Variants in IGF2BP3 observed in about 807,000 individuals in gnomAD.
IGF2BP3 encodes the protein insulin like growth factor 2 mRNA binding protein 3.
In IGF2BP3, 9 loss-of-function variants were observed where a neutral mutation model predicts 73.8. The observed-to-expected ratio is 0.12, with a 90% confidence interval of 0.07 to 0.21. IGF2BP3 has a LOEUF of 0.21. IGF2BP3 is among the 10% of genes least tolerant of loss of function. IGF2BP3 has a pLI of 1.00. For missense variants in IGF2BP3, 542 were observed against 714.0 expected (o/e 0.76, Z 2.75); for synonymous variants, 258 against 256.7 (o/e 1.01, Z -0.05).
Position 23,384,719 on chromosome 7 carries a change from C to T in IGF2BP3, c.286-22978G>A, listed in dbSNP as rs187373063. On this transcript the variant is annotated intron_variant, in intron 3 of 14. Coordinates refer to ENST00000258729, the MANE Select transcript of IGF2BP3 (RefSeq NM_006547.3). The stretch of plus-strand genomic sequence containing the variant: ...CAGCCTGGGCAACATGGCAAAACCC[C>T]GTCTCTACAAAAAATACAAAAATTA... Among the ~76,000 whole-genome samples the T allele has an allele frequency of 1.1e-4, 17 of 152,068 alleles. No homozygotes were observed. The East Asian group carries it at 1.7e-3, about 16-fold the overall frequency.
intron 10 of IGF2BP3, among the ~76,000 whole-genome samples, chr7:23,331,859 GAA>G (rs35506768): frequency 2.4e-4 from 23 of 96,016 alleles, no homozygotes; most frequent in Admixed American, 5.0e-4. Flanking sequence ...AACTGTCTCA[GAA>G]AAAAAAAAAA....
chr7:23,398,675 A>G (rs1715870546), intron 3 of IGF2BP3, among the ~76,000 whole-genome samples: 1 of 152,070 alleles, frequency 6.6e-6, no homozygotes, highest in South Asian at 2.1e-4. Context: ...GATGATGAGC[A>G]TTTTTTCATG....
chr7:23,469,824 A>AC lies in IGF2BP3; in HGVS notation c.175+111dup. 1.7e-6 allele frequency: 1 copy of AC among 596,854 alleles called. No homozygotes were observed. The highest frequency in any genetic ancestry group is 2.4e-6 in the Non-Finnish European group (1 of 414,776). The allele number at this position is 596,854 out of a possible 1,614,324, so 37.0% of individuals were successfully genotyped here. A position where few individuals can be genotyped will look rare whatever the true frequency, so the allele number is the denominator to read the frequency against. ...GCGTGGGTGTGGGCGCTCAGGCCTCACCCCCGCTCCCCCAGCGCGCCGGGC... is the reference window on the plus strand; with the variant it reads ...GCGTGGGTGTGGGCGCTCAGGCCTCACCCCCCGCTCCCCCAGCGCGCCGGGC... On this transcript the variant is annotated intron_variant, in intron 1 of 14. Transcript: ENST00000258729. This position sits in a 1 kb window ranked among gnomAD's most constrained non-coding sequence, Gnocchi z 6.1.
chr7:23,449,752 G>T (rs1447504643), intron 2 of IGF2BP3, among the ~76,000 whole-genome samples: 1 of 151,448 alleles, frequency 6.6e-6, no homozygotes, highest in Non-Finnish European at 1.5e-5. Flanking sequence ...AGAGACGGGG[G>T]TGGTTTAACT....
intron 9 of IGF2BP3, 136 bp from the exon 10 acceptor site, chr7:23,342,325 G>C: frequency 1.1e-6 from 1 of 941,574 alleles, no homozygotes. Flanking sequence ...GATGTTCCAT[G>C]GGACTCTACT....
chr7:23,465,655 G>A (rs572237814), intron 2 of IGF2BP3, among the ~76,000 whole-genome samples: 1 of 152,210 alleles, frequency 6.6e-6, no homozygotes, highest in Non-Finnish European at 1.5e-5. Flanking sequence ...CCAGCACCAG[G>A]TTCCTGACAT....
In IGF2BP3 at chr7:23,368,663, C is replaced by T. The variant is rs141223477; in HGVS notation, c.286-6922G>A. Reference sequence around the variant, plus strand: ...CTGTAATCCCAGCACTTTGGAAGGCCAAAGCGGGCGGATCACCTGAGGTCA... The same window carrying T: ...CTGTAATCCCAGCACTTTGGAAGGCTAAAGCGGGCGGATCACCTGAGGTCA... On this transcript the variant is annotated intron_variant, in intron 3 of 14. Coordinates refer to ENST00000258729, the MANE Select transcript of IGF2BP3 (RefSeq NM_006547.3). Among the ~76,000 whole-genome samples, 367 of 152,146 alleles carry T rather than the reference C, an allele frequency of 2.4e-3. 3 individuals carry two copies. The highest frequency in any genetic ancestry group is 8.5e-3 in the African/African-American group (353 of 41,508).
intron 3 of IGF2BP3, among the ~76,000 whole-genome samples, chr7:23,395,316 C>T (rs1270190611): frequency 6.6e-6 from 1 of 152,146 alleles, no homozygotes; most frequent in Non-Finnish European, 1.5e-5. Flanking sequence ...CCGCAATATA[C>T]TTTCCAAAAC....
chr7:23,330,402 A>G (rs1481716275), intron 10 of IGF2BP3, among the ~76,000 whole-genome samples: 1 of 151,442 alleles, frequency 6.6e-6, no homozygotes, highest in Middle Eastern at 3.2e-3. Flanking sequence ...TTTAAAGAAA[A>G]GTGCCCACTA....
intron 10 of IGF2BP3, among the ~76,000 whole-genome samples, chr7:23,341,467 A>T (rs570111515): frequency 6.6e-6 from 1 of 152,342 alleles, no homozygotes; most frequent in African/African-American, 2.4e-5. Flanking sequence ...GGAGTTTGAG[A>T]TCAGCCTGAA....
intron 10 of IGF2BP3, among the ~76,000 whole-genome samples, chr7:23,327,333 T>G (rs1293671987): frequency 6.8e-6 from 1 of 147,440 alleles, no homozygotes; most frequent in East Asian, 2.0e-4. Flanking sequence ...CAGGCTGGAG[T>G]GCAGTGGCGC....
chr7:23,420,181 C>T (rs138055362), intron 2 of IGF2BP3, among the ~76,000 whole-genome samples: 16 of 152,284 alleles, frequency 1.1e-4, no homozygotes, highest in African/African-American at 3.4e-4. Flanking sequence ...ACTTAACTTT[C>T]ACAATTAGAA....
At chr7:23,412,933 C>A (rs1296260402) in intron 3 of IGF2BP3, among the ~76,000 whole-genome samples, 1 of 130,492 alleles carries the variant, frequency 7.7e-6, no homozygotes, top group Non-Finnish European at 1.6e-5. Context: ...GATCTTGGCT[C>A]ACTGCAACCT....
chr7:23,386,968 G>A (rs1786102009), intron 3 of IGF2BP3, among the ~76,000 whole-genome samples: 1 of 150,916 alleles, frequency 6.6e-6, no homozygotes, highest in Non-Finnish European at 1.5e-5. Flanking sequence ...TGGGGAGGCT[G>A]AGGCAGGAGA....
intron 6 of IGF2BP3, among the ~76,000 whole-genome samples, chr7:23,349,673 G>GTTAA (rs1165784619): frequency 7.2e-5 from 11 of 152,288 alleles, no homozygotes; most frequent in Admixed American, 7.2e-4. Flanking sequence ...AATGTCAAGA[G>GTTAA]TTAATTAAAT....
chr7:23,320,946 T>C (rs1245942189), intron 10 of IGF2BP3, among the ~76,000 whole-genome samples: 6 of 35,022 alleles, frequency 1.7e-4, no homozygotes, highest in Admixed American at 3.7e-4. Flanking sequence ...AAACTCTGTC[T>C]CAAAAAAAAA....
At chr7:23,339,648 G>A (rs1461266108) in intron 10 of IGF2BP3, among the ~76,000 whole-genome samples, 4 of 152,098 alleles carry the variant, frequency 2.6e-5, no homozygotes, top group Non-Finnish European at 5.9e-5. Flanking sequence ...AGAGTTAAAG[G>A]GACACCTCAG....
At chr7:23,331,658 G>A (rs575156538) in intron 10 of IGF2BP3, among the ~76,000 whole-genome samples, 12 of 152,158 alleles carry the variant, frequency 7.9e-5, no homozygotes, top group African/African-American at 2.9e-4. Flanking sequence ...TCAGGAGTTC[G>A]AGACCAACCT....
chr7:23,409,778 T>C (rs1396280410), intron 3 of IGF2BP3, among the ~76,000 whole-genome samples: 1 of 152,224 alleles, frequency 6.6e-6, no homozygotes, highest in Non-Finnish European at 1.5e-5. Context: ...AAAACCTTCA[T>C]AACTTTGATT....
Sources: allele counts gnomAD v4.1 joint callset (sites outside exome capture counted in the v4.1 genomes callset), GRCh38; gene constraint gnomAD v4.1.1; non-coding constraint Gnocchi (gnomAD v3.1); transcripts MANE v1.5; gene names NCBI Gene and HGNC (gene_info 2026-07-23, HGNC 2026-07-21).